The following STX7 variants were observed in gnomAD, a reference collection of about 807,000 sequenced individuals.
The protein encoded by STX7 is syntaxin 7.
A neutral mutation model predicts 39.6 loss-of-function variants in STX7; 34 were observed. The observed-to-expected ratio is 0.86, with a 90% CI of 0.65 to 1.14. The LOEUF (loss-of-function observed/expected upper bound fraction) is 1.14. Ranked by LOEUF, STX7 falls within the 50% of genes most tolerant of loss-of-function variation. STX7 has a pLI of 0.00. For synonymous variants in STX7, 119 were observed against 99.1 expected, an observed-to-expected ratio of 1.20 and a Z score of -1.19; for missense variants, 284 against 310.4, an observed-to-expected ratio of 0.92 and a Z score of 0.64.
intron 2 of STX7, among the ~76,000 whole-genome samples, chr6:132,491,653 C>T (rs764824661): frequency 2.0e-5 from 3 of 152,156 alleles, no homozygotes; most frequent in South Asian, 2.1e-4. Context: ...TCTTTGCACA[C>T]GTCTCCTACT....
intron 4 of STX7, among the ~76,000 whole-genome samples, chr6:132,471,961 C>CA (rs1774734444): frequency 6.6e-6 from 1 of 152,154 alleles, no homozygotes; most frequent in Non-Finnish European, 1.5e-5. Context: ...CAGGACACCT[C>CA]ACATCTTGAA....
rs909439033 is a variant in STX7 at position 132,449,023 on chromosome 6, T to C, written c.*11735A>G. ...TTCTTGTATATGTGGATCCACTTTT[T>C]TTTTTTTTAGACAGGGTACAGTGGC... On this transcript the variant is annotated 3_prime_UTR_variant, in exon 10 of 10. Transcript: ENST00000367941. The C allele has an allele frequency of 6.6e-6, 1 of 151,934 alleles. No individual in the cohort carries two copies. The highest frequency in any genetic ancestry group is 2.4e-5 in the African/African-American group (1 of 41,318). 9.4% of individuals were successfully genotyped at this position (151,934 alleles called of 1,614,324 possible).
At chr6:132,481,252 C>G (rs1775009169) in intron 2 of STX7, among the ~76,000 whole-genome samples, 1 of 151,542 alleles carries the variant, frequency 6.6e-6, no homozygotes, top group African/African-American at 2.4e-5. Flanking sequence ...CACCTAATAC[C>G]CAAAACTACT....
intron 2 of STX7, among the ~76,000 whole-genome samples, chr6:132,488,695 G>C (rs1000306471): frequency 6.6e-6 from 1 of 152,016 alleles, no homozygotes; most frequent in African/African-American, 2.4e-5. Flanking sequence ...AATATCAATT[G>C]ACAAAAGATA....
At position 132,447,429 on chromosome 6, in the gene STX7, C is replaced by T. The variant is rs1774037495; in HGVS notation, c.*13329G>A. 1 of 152,172 alleles carries T rather than the reference C, an allele frequency of 6.6e-6. No individual in the cohort carries two copies. 9.4% of individuals were successfully genotyped at this position (152,172 alleles called of 1,614,324 possible). A position where few individuals can be genotyped will look rare whatever the true frequency, so the allele number is the denominator to read the frequency against. Reference sequence around the variant, plus strand: ...TTTATACATGCTTAAGAAATATGCACATGCTCTAAATTGGGGGAACATGAT... The same window carrying T: ...TTTATACATGCTTAAGAAATATGCATATGCTCTAAATTGGGGGAACATGAT... On this transcript the variant is annotated 3_prime_UTR_variant, in exon 10 of 10. Coordinates refer to ENST00000367941, the MANE Select transcript of STX7 (RefSeq NM_003569.3).
chr6:132,472,225 G>A (rs1201633815), intron 4 of STX7, 57 bp downstream of exon 4: 6 of 1,329,342 alleles, frequency 4.5e-6, no homozygotes, highest in Non-Finnish European at 6.3e-6. Flanking sequence ...AGATCCTACA[G>A]TGCACTGGGT....
In STX7 at chr6:132,448,931, A is replaced by G. The variant is rs916478421; in HGVS notation, c.*11827T>C. ...CTGCTTTTAAGATATCTTTGCCTTT[A>G]TTGTTCTGAAGTTTGAGTATAATGA... On this transcript the variant is annotated 3_prime_UTR_variant, in exon 10 of 10. Coordinates refer to ENST00000367941, the MANE Select transcript of STX7 (RefSeq NM_003569.3). The G allele has an allele frequency of 6.8e-6, 1 of 147,380 alleles. No individual in the cohort carries two copies. Among genetic ancestry groups the G allele is most frequent in the African/African-American group, 2.5e-5 (1 of 39,946 alleles). The allele number at this position is 147,380 out of a possible 1,614,324, so 9.1% of individuals were successfully genotyped here.
Position 132,453,986 on chromosome 6 carries a change from T to C in STX7, c.*6772A>G, listed in dbSNP as rs1224998238. ...ACAAAAACTTGTACACAAATGTTTATAGCAACTTTATTTATAGTAGCCAAA... is the reference window on the plus strand; with the variant it reads ...ACAAAAACTTGTACACAAATGTTTACAGCAACTTTATTTATAGTAGCCAAA... On this transcript the variant is annotated 3_prime_UTR_variant, in exon 10 of 10. Coordinates refer to ENST00000367941, the MANE Select transcript of STX7 (RefSeq NM_003569.3). The C allele has an allele frequency of 1.3e-5, 2 of 152,184 alleles. No homozygotes were observed. The highest frequency in any genetic ancestry group is 2.9e-5 in the Non-Finnish European group (2 of 68,006). 9.4% of individuals were successfully genotyped at this position (152,184 alleles called of 1,614,324 possible).
At chr6:132,464,625 C>A (rs992300861) in intron 8 of STX7, among the ~76,000 whole-genome samples, 1 of 152,184 alleles carries the variant, frequency 6.6e-6, no homozygotes, top group Non-Finnish European at 1.5e-5. Context: ...TTCTCAATTT[C>A]TTTTCCCTCT....
At chr6:132,469,048 A>G (rs1199554619) in intron 7 of STX7, among the ~76,000 whole-genome samples, 1 of 152,228 alleles carries the variant, frequency 6.6e-6, no homozygotes, top group Non-Finnish European at 1.5e-5. Flanking sequence ...ACTGCTTCAT[A>G]AAGTTTTTAT....
Position 132,460,023 on chromosome 6 carries a change from A to G in STX7, c.*735T>C, listed in dbSNP as rs1774348301. On this transcript the variant is annotated 3_prime_UTR_variant, in exon 10 of 10. Transcript: ENST00000367941. ...ATAGGTATTGGTATTGGTTGTTCAT[A>G]CTCTTCTTCCAAATTATGTTAAACA... 6.6e-6 allele frequency: 1 copy of G among 152,094 alleles called. No homozygotes were observed. Among genetic ancestry groups the G allele is most frequent in the Non-Finnish European group, 1.5e-5 (1 of 68,006 alleles). The allele number at this position is 152,094 out of a possible 1,614,324, so 9.4% of individuals were successfully genotyped here.
intron 1 of STX7, among the ~76,000 whole-genome samples, chr6:132,509,563 G>C (rs535201324): frequency 6.6e-6 from 1 of 152,000 alleles, no homozygotes; most frequent in East Asian, 1.9e-4. Flanking sequence ...TTTTCTGCAT[G>C]CCCCATATGA....
chr6:132,507,884 T>C (rs891273081), intron 1 of STX7, among the ~76,000 whole-genome samples: 5 of 152,228 alleles, frequency 3.3e-5, no homozygotes, highest in Non-Finnish European at 7.3e-5. Context: ...TTTTAATCTA[T>C]ACCTGAATGA....
rs2114316593 is a variant in STX7 at position 132,450,300 on chromosome 6, T to A, written c.*10458A>T. 6.6e-6 allele frequency: 1 copy of A among 152,320 alleles called. No homozygotes were observed. The allele number at this position is 152,320 out of a possible 1,614,324, so 9.4% of individuals were successfully genotyped here. On this transcript the variant is annotated 3_prime_UTR_variant, in exon 10 of 10. Coordinates refer to ENST00000367941, the MANE Select transcript of STX7 (RefSeq NM_003569.3). ...TCATCTACTTCGTAGTTGATTTTGG[T>A]AATTTGCATTTTTCATATAAATTAT...
At chr6:132,481,106 A>G (rs1658528101) in intron 2 of STX7, among the ~76,000 whole-genome samples, 1 of 152,184 alleles carries the variant, frequency 6.6e-6, no homozygotes, top group African/African-American at 2.4e-5. Flanking sequence ...GAAATGGGAA[A>G]GGAGTTCTCG....
chr6:132,475,331 C>A (rs1005192684), intron 3 of STX7: 1 of 225,644 alleles, frequency 4.4e-6, no homozygotes, highest in African/African-American at 2.3e-5. Flanking sequence ...ACCATATTGG[C>A]CAGGTTGGTC....
rs577025869 is a variant in STX7, at chr6:132,480,226, T to C, written c.86-4564A>G. ...GACAATGGGATTCACTGCTCTGCCA[T>C]GTATTCTGTTATCTAGAAGCTGCTG... On this transcript the variant is annotated intron_variant, in intron 2 of 9. Coordinates refer to ENST00000367941, the MANE Select transcript of STX7 (RefSeq NM_003569.3). 4.6e-5 allele frequency among the ~76,000 whole-genome samples: 7 copies of C among 152,282 alleles called. No individual in the cohort carries two copies. In the South Asian group the frequency reaches 1.2e-3, roughly 27 times the overall value.
chr6:132,469,842 G>T, intron 7 of STX7, 109 bp downstream of exon 7: 1 of 913,140 alleles, frequency 1.1e-6, no homozygotes, highest in Non-Finnish European at 1.6e-6. Context: ...GTCTCAAAAA[G>T]AAAACAAAAT....
intron 8 of STX7, among the ~76,000 whole-genome samples, chr6:132,464,826 G>A (rs1774520072): frequency 6.6e-6 from 1 of 152,072 alleles, no homozygotes; most frequent in Non-Finnish European, 1.5e-5. Context: ...AGCCCTCACC[G>A]AGGGCCCATG....
Sources: allele counts gnomAD v4.1 joint callset (sites outside exome capture counted in the v4.1 genomes callset), GRCh38; gene constraint gnomAD v4.1.1; transcripts MANE v1.5; gene names NCBI Gene and HGNC (gene_info 2026-07-23, HGNC 2026-07-21).